Variants in NPAS3 observed in about 807,000 individuals in gnomAD.
NPAS3 encodes neuronal PAS domain-containing protein 3.
A neutral mutation model predicts 73.1 loss-of-function variants in NPAS3; 14 were observed. That is an observed-to-expected ratio of 0.19 (90% confidence interval 0.13 to 0.30). NPAS3 has a LOEUF of 0.30. NPAS3 is among the 10% of genes least tolerant of loss of function. The pLI is 1.00. For missense variants in NPAS3, 1,096 were observed against 1,250.0 expected (o/e 0.88, Z 1.86); for synonymous variants, 620 against 541.5 (o/e 1.14, Z -2.01).
intron 2 of NPAS3, among the ~76,000 whole-genome samples, chr14:33,159,740 A>C (rs374904179): frequency 2.6e-5 from 4 of 151,924 alleles, no homozygotes; most frequent in African/African-American, 7.3e-5. Flanking sequence ...TTTTGAGTAG[A>C]GACGGGGTTT....
intron 5 of NPAS3, among the ~76,000 whole-genome samples, chr14:33,565,897 A>T (rs28457090): frequency 0.2 from 30,516 of 150,282 alleles, 3,545 homozygotes; most frequent in South Asian, 0.33. Context: ...TAATTTTTTT[A>T]AAAAAAAGCA....
intron 4 of NPAS3, among the ~76,000 whole-genome samples, chr14:33,514,208 G>A (rs2053193435): frequency 6.6e-6 from 1 of 152,056 alleles, no homozygotes; most frequent in Non-Finnish European, 1.5e-5. Context: ...GTCTGAAGGT[G>A]TGCAGAGGCA....
intron 4 of NPAS3, among the ~76,000 whole-genome samples, chr14:33,521,470 G>A (rs3848): frequency 0.31 from 45,710 of 147,854 alleles, 8,084 homozygotes; most frequent in East Asian, 0.44. Flanking sequence ...CTGCTCAAGC[G>A]ATAGGCTTGA....
At chr14:33,141,875 G>A (rs368689077) in intron 2 of NPAS3, among the ~76,000 whole-genome samples, 6 of 152,244 alleles carry the variant, frequency 3.9e-5, no homozygotes, top group African/African-American at 1.4e-4. Context: ...GTATGCCATC[G>A]CATTTCCAGC....
At chr14:33,796,445 C>A (rs559190837) in intron 10 of NPAS3, among the ~76,000 whole-genome samples, 2 of 152,288 alleles carry the variant, frequency 1.3e-5, no homozygotes, top group Admixed American at 1.3e-4. Context: ...TAGTGAATTA[C>A]CCCTCCCAGG....
At chr14:33,650,499 G>T (rs953033770) in intron 5 of NPAS3, among the ~76,000 whole-genome samples, 1 of 152,120 alleles carries the variant, frequency 6.6e-6, no homozygotes, top group African/African-American at 2.4e-5. Flanking sequence ...CTTAATTAGA[G>T]GGAAGCTCTA....
chr14:33,015,586 CT>C (rs59223339), intron 1 of NPAS3, among the ~76,000 whole-genome samples: 81,492 of 151,946 alleles, frequency 0.54, 24,762 homozygotes, highest in Non-Finnish European at 0.69. Context: ...AAGGACTAAC[CT>C]TTCTCTTTGC....
intron 5 of NPAS3, among the ~76,000 whole-genome samples, chr14:33,598,817 G>A (rs1472552498): frequency 1.3e-5 from 2 of 152,212 alleles, no homozygotes; most frequent in South Asian, 2.1e-4. Flanking sequence ...GAGTTAATGT[G>A]TGACTGTTAA....
chr14:33,403,637 A>T (rs76094002), intron 4 of NPAS3, among the ~76,000 whole-genome samples: 36 of 152,236 alleles, frequency 2.4e-4, no homozygotes, highest in Non-Finnish European at 3.5e-4. Context: ...TAATAGGGTT[A>T]TAAATGGACA....
At chr14:33,652,145 A>G (rs1324153258) in intron 5 of NPAS3, among the ~76,000 whole-genome samples, 2 of 152,174 alleles carry the variant, frequency 1.3e-5, no homozygotes, top group Non-Finnish European at 2.9e-5. Context: ...GTAAATATGA[A>G]AACTGTGAGT....
intron 2 of NPAS3, among the ~76,000 whole-genome samples, chr14:33,070,544 A>G (rs935271071): frequency 3.3e-5 from 5 of 152,184 alleles, no homozygotes; most frequent in African/African-American, 1.2e-4. Flanking sequence ...GCTGTCAATG[A>G]GTAACAGGTA....
intron 5 of NPAS3, among the ~76,000 whole-genome samples, chr14:33,632,154 CTTAAAGAACTAGTTGG>C (rs1465531906): frequency 6.6e-6 from 1 of 152,194 alleles, no homozygotes; most frequent in African/African-American, 2.4e-5. Flanking sequence ...GTAATCCCTT[CTTAAAGAACTAGTTGG>C]TGACCTTCTA....
At chr14:33,657,145 A>G (rs1266003220) in intron 5 of NPAS3, among the ~76,000 whole-genome samples, 2 of 152,220 alleles carry the variant, frequency 1.3e-5, no homozygotes, top group Admixed American at 6.5e-5. Context: ...GAAAGCTACA[A>G]AAGTCAAATT....
chr14:33,254,469 C>T (rs190783668), intron 3 of NPAS3, among the ~76,000 whole-genome samples: 1 of 152,196 alleles, frequency 6.6e-6, no homozygotes, highest in Non-Finnish European at 1.5e-5. Flanking sequence ...CCTTTGTACT[C>T]TCCTATCAGC....
chr14:33,217,238 G>A (rs2047258771), intron 3 of NPAS3, among the ~76,000 whole-genome samples: 3 of 152,116 alleles, frequency 2.0e-5, no homozygotes, highest in Admixed American at 1.3e-4. Context: ...CCTCCCAGAA[G>A]CTCCCTTTCC....
chr14:33,783,488 C>T (rs1267518361), intron 9 of NPAS3, among the ~76,000 whole-genome samples: 1 of 151,076 alleles, frequency 6.6e-6, no homozygotes, highest in Non-Finnish European at 1.5e-5. Flanking sequence ...CAGCCTTCAT[C>T]GTGTGCCTGG....
chr14:33,784,741 A>ATTTTTTTTTTT (rs1325282410), intron 9 of NPAS3, among the ~76,000 whole-genome samples: 37 of 72,760 alleles, frequency 5.1e-4, no homozygotes, highest in Non-Finnish European at 6.2e-4. Flanking sequence ...TTATTTATTT[A>ATTTTTTTTTTT]TTTATTTTTT....
chr14:33,626,174 G>A (rs750853322), intron 5 of NPAS3, among the ~76,000 whole-genome samples: 12 of 152,166 alleles, frequency 7.9e-5, no homozygotes, highest in Non-Finnish European at 8.8e-5. Flanking sequence ...GAGAGACAAA[G>A]GGAGAGGGAA....
chr14:33,572,015 G>T (rs1335882199), intron 5 of NPAS3, among the ~76,000 whole-genome samples: 2 of 152,122 alleles, frequency 1.3e-5, no homozygotes, highest in Non-Finnish European at 2.9e-5. Flanking sequence ...TTTCACAAGG[G>T]TATTTCATTT....
Sources: gnomAD v4.1 joint callset for allele counts (sites outside exome capture counted in the v4.1 genomes callset) on GRCh38, gnomAD v4.1.1 for gene constraint, MANE v1.5 for transcripts, NCBI Gene and HGNC (gene_info 2026-07-23, HGNC 2026-07-21) for gene names.